TNRC6B: variants seen among roughly 807,000 people sequenced by gnomAD.
The protein encoded by TNRC6B is trinucleotide repeat containing adaptor 6B, also known as trinucleotide repeat-containing gene 6B protein.
Under a neutral mutation model 203.6 loss-of-function variants are expected in TNRC6B, and 52 were observed. The observed-to-expected ratio is 0.26, with a 90% confidence interval of 0.20 to 0.32. The LOEUF (loss-of-function observed/expected upper bound fraction) is 0.32. Ranked by LOEUF, TNRC6B falls within the 10% of genes least tolerant of loss-of-function variation. The pLI is 1.00. For missense variants in TNRC6B, 1,923 were observed against 2,286.2 expected, an observed-to-expected ratio of 0.84 and a Z score of 3.24; for synonymous variants, 838 against 845.7, an observed-to-expected ratio of 0.99 and a Z score of 0.16.
intron 2 of TNRC6B, among the ~76,000 whole-genome samples, chr22:40,121,682 A>G (rs2068447220): frequency 6.6e-6 from 1 of 152,170 alleles, no homozygotes; most frequent in African/African-American, 2.4e-5. Context: ...TGAGCTTTCA[A>G]TACCAGCATC....
chr22:40,092,102 C>T, intron 1 of TNRC6B, among the ~76,000 whole-genome samples: 1 of 152,118 alleles, frequency 6.6e-6, no homozygotes, highest in East Asian at 1.9e-4. Flanking sequence ...GCAGAACCAA[C>T]AAAAATGATC....
upstream of TNRC6B, among the ~76,000 whole-genome samples, chr22:40,173,259 G>C (rs2069019941): frequency 6.6e-6 from 1 of 151,990 alleles, no homozygotes; most frequent in Admixed American, 6.6e-5. Flanking sequence ...ACCACGCCCG[G>C]CTAATTTTTG....
rs552148134 is a variant in TNRC6B at position 40,319,804 on chromosome 22, G to C, written c.4975-1286G>C. Among the ~76,000 whole-genome samples, 6 of 152,314 alleles carry C rather than the reference G, an allele frequency of 3.9e-5. No individual in the cohort carries two copies. The East Asian group carries it at 1.2e-3, about 29-fold the overall frequency. Reference sequence around the variant, plus strand: ...GGTATGTATGTATAGGAAAAACATAGTATACTTAGAGTTCGGTACTATTGG... The same window carrying C: ...GGTATGTATGTATAGGAAAAACATACTATACTTAGAGTTCGGTACTATTGG... On this transcript the variant is annotated intron_variant, in intron 21 of 22. Coordinates refer to ENST00000454349, the MANE Select transcript of TNRC6B (RefSeq NM_001162501.2).
chr22:40,266,674 C>T lies in TNRC6B; in HGVS notation c.2444C>T (p.Ser815Phe). The change falls in exon 5 of 23, where the codon TCC (serine) becomes TTC (phenylalanine). Residue 815 changes from serine (S) to phenylalanine (F), a missense_variant. Around this residue, in one of 8 missense-constraint regions of TNRC6B, gnomAD observed 599 missense variants for 656.5 expected, o/e 0.91. Coordinates refer to ENST00000454349, the MANE Select transcript of TNRC6B (RefSeq NM_001162501.2). ...AWNETGRQPN[S>F]WNKQHQQQQP... ...AATGAGACGGGCCGACAGCCCAATT[C>T]CTGGAATAAACAACACCAACAGCAG... 1.2e-6 allele frequency: 2 copies of T among 1,613,696 alleles called. No individual in the cohort carries two copies. Among genetic ancestry groups the T allele is most frequent in the East Asian group, 4.5e-5 (2 of 44,872 alleles).
chr22:40,308,622 A>G lies in TNRC6B; in HGVS notation c.4231A>G (p.Thr1411Ala). 2 of 1,613,770 alleles carry G rather than the reference A, an allele frequency of 1.2e-6. No homozygotes were observed. Among genetic ancestry groups the G allele is most frequent in the Non-Finnish European group, 1.7e-6 (2 of 1,179,780 alleles). ...GATGGAGGGGCTGCCCTCTGTAGCC[A>G]CACAGGAAGCCAATATGCACAAAAA... ...SMMEGLPSVA[T>A]QEANMHKNGA... Residue 1411 changes from threonine to alanine, a missense_variant, in exon 16 of 23, where the codon ACA becomes GCA. Physicochemically the swap from Thr to Ala is moderately conservative, Grantham distance 58. Around this residue, in one of 8 missense-constraint regions of TNRC6B, gnomAD observed 242 missense variants for 399.5 expected, o/e 0.61. Coordinates refer to ENST00000454349, the MANE Select transcript of TNRC6B (RefSeq NM_001162501.2).
At chr22:40,254,178 T>A (rs1279037977) in intron 3 of TNRC6B, among the ~76,000 whole-genome samples, 1 of 152,148 alleles carries the variant, frequency 6.6e-6, no homozygotes, top group Non-Finnish European at 1.5e-5. Context: ...TAGAAAGCAC[T>A]TAAGGTAGAA....
At chr22:40,306,109 G>A (rs886932946) in intron 15 of TNRC6B, among the ~76,000 whole-genome samples, 5 of 151,938 alleles carry the variant, frequency 3.3e-5, no homozygotes, top group Admixed American at 6.6e-5. Context: ...TGGCTAACAC[G>A]ATGAAACCCC....
chr22:40,145,959 CG>C (rs2068691903), intron 3 of TNRC6B, among the ~76,000 whole-genome samples: 1 of 152,164 alleles, frequency 6.6e-6, no homozygotes, highest in Admixed American at 6.5e-5. Flanking sequence ...GGGCTGGAAA[CG>C]TGATAGGTTA....
rs576813814 is a variant in TNRC6B, at chr22:40,230,094, T to C, written c.6-15921T>C. Among the ~76,000 whole-genome samples the C allele has an allele frequency of 3.3e-4, 50 of 152,316 alleles. 1 individual carries two copies. The South Asian group carries it at 0.01, about 31-fold the overall frequency. The stretch of plus-strand genomic sequence containing the variant: ...TCCCATCATGAGAGAGTTCCATTTG[T>C]TAATTCTTGGAATGGTGAGTCTTTT... On this transcript the variant is annotated intron_variant, in intron 1 of 22. Transcript: ENST00000454349.
intron 13 of TNRC6B, 89 bp from the exon 14 acceptor site, chr22:40,300,821 C>G (rs1291219603): frequency 2.2e-6 from 3 of 1,335,336 alleles, no homozygotes; most frequent in Non-Finnish European, 3.1e-6. Context: ...ATTGTGTGAC[C>G]TGTACTTCAG....
chr22:40,080,001 T>C (rs2068051850), intron 1 of TNRC6B, among the ~76,000 whole-genome samples: 1 of 151,996 alleles, frequency 6.6e-6, no homozygotes, highest in African/African-American at 2.4e-5. Context: ...TTCACTGTGT[T>C]AGCCAGGATG....
At chr22:40,106,510 G>C in intron 1 of TNRC6B, 1 of 739,240 alleles carries the variant, frequency 1.4e-6, no homozygotes. Context: ...TCCTCCAGCA[G>C]ATGATGCCAT....
chr22:40,279,924 G>T (rs1239034306), intron 9 of TNRC6B, 71 bp from the exon 10 acceptor site: 15 of 1,398,360 alleles, frequency 1.1e-5, no homozygotes, highest in Non-Finnish European at 1.3e-5. Context: ...GGATAGTGGG[G>T]CAGGTCACTC....
chr22:40,155,806 T>C (rs2068814430), intron 3 of TNRC6B, among the ~76,000 whole-genome samples: 1 of 152,254 alleles, frequency 6.6e-6, no homozygotes, highest in African/African-American at 2.4e-5. Flanking sequence ...TTCTCTTCAG[T>C]GAAATTCCTG....
intron 1 of TNRC6B, among the ~76,000 whole-genome samples, chr22:40,061,831 T>C (rs2067856005): frequency 6.6e-6 from 1 of 152,108 alleles, no homozygotes; most frequent in East Asian, 1.9e-4. Context: ...CCCAGCACTT[T>C]GGGAGGCCAA....
intron 1 of TNRC6B, among the ~76,000 whole-genome samples, chr22:40,057,474 G>T (rs1417348598): frequency 5.9e-5 from 9 of 151,956 alleles, no homozygotes; most frequent in African/African-American, 2.2e-4. Flanking sequence ...TGTATTTTTA[G>T]TAGAGACAGG....
chr22:40,274,279 A>G (rs538865652), intron 7 of TNRC6B, among the ~76,000 whole-genome samples: 2 of 152,324 alleles, frequency 1.3e-5, no homozygotes, highest in African/African-American at 4.8e-5. Flanking sequence ...CCAGAGGAAG[A>G]TAATGCTGGC....
chr22:40,300,841 C>G lies in TNRC6B; in HGVS notation c.3841-69C>G, dbSNP rs2071013395. 4.1e-6 allele frequency: 6 copies of G among 1,469,528 alleles called. No homozygotes were observed. The Admixed American group carries it at 1.2e-4, about 28-fold the overall frequency. The allele number at this position is 1,469,528 out of a possible 1,614,324, so 91.0% of individuals were successfully genotyped here. A position where few individuals can be genotyped will look rare whatever the true frequency, so the allele number is the denominator to read the frequency against. ...GTGACCTGTACTTCAGTGCACAGAC[C>G]CTTTAGGTGTCCTCAGTAAATCAAT... On this transcript the variant is annotated intron_variant, in intron 13 of 22. Coordinates refer to ENST00000454349, the MANE Select transcript of TNRC6B (RefSeq NM_001162501.2).
chr22:40,304,055 A>T (rs1163727259), intron 15 of TNRC6B, among the ~76,000 whole-genome samples: 7 of 152,336 alleles, frequency 4.6e-5, no homozygotes, highest in African/African-American at 9.6e-5. Context: ...AAATTAAAAA[A>T]TTTTTTCTAA....
Sources: gnomAD v4.1 joint callset for allele counts (sites outside exome capture counted in the v4.1 genomes callset) on GRCh38, gnomAD v4.1.1 for gene constraint, gnomAD v4.1.1 regional missense constraint, MANE v1.5 for transcripts, NCBI Gene and HGNC (gene_info 2026-07-23, HGNC 2026-07-21) for gene names.